ST3GAL3: variants seen among roughly 807,000 people sequenced by gnomAD.
ST3GAL3 encodes the protein CMP-N-acetylneuraminate-beta-1,4-galactoside alpha-2,3-sialyltransferase.
Under a neutral mutation model 50.1 loss-of-function variants are expected in ST3GAL3, and 21 were observed. The observed-to-expected ratio is 0.42, with a 90% CI of 0.30 to 0.60. The LOEUF (loss-of-function observed/expected upper bound fraction) is 0.60, where lower values mean the gene tolerates loss of function less well. Among genes scored for constraint, ST3GAL3 ranks in the 20% least tolerant of loss-of-function variants. ST3GAL3 has a pLI of 0.19. For synonymous variants in ST3GAL3, 183 were observed against 190.0 expected (o/e 0.96, Z 0.30); for missense variants, 353 against 489.4 (o/e 0.72, Z 2.63).
intron 2 of ST3GAL3, among the ~76,000 whole-genome samples, chr1:43,785,404 G>A (rs1257652880): frequency 6.6e-6 from 1 of 152,200 alleles, no homozygotes; most frequent in African/African-American, 2.4e-5. Flanking sequence ...GGATGGTGCT[G>A]GAAGGTGAGG....
intron 9 of ST3GAL3, among the ~76,000 whole-genome samples, chr1:43,902,403 G>T (rs1273058623): frequency 6.6e-6 from 1 of 152,210 alleles, no homozygotes; most frequent in African/African-American, 2.4e-5. Context: ...CATAGGATAT[G>T]GGAAGGGGCA....
chr1:43,810,392 G>A (rs60477816), intron 3 of ST3GAL3, among the ~76,000 whole-genome samples: 7,147 of 152,100 alleles, frequency 0.047, 554 homozygotes, highest in African/African-American at 0.16. Context: ...AGGTAGAGAC[G>A]GGTAGGCCGG....
rs368862265 is a variant in ST3GAL3 at position 43,754,087 on chromosome 1, A to G, written c.118+17707A>G. 2.0e-4 allele frequency among the ~76,000 whole-genome samples: 30 copies of G among 152,358 alleles called. No homozygotes were observed. In the South Asian group the frequency reaches 6.2e-3, roughly 32 times the overall value. On this transcript the variant is annotated intron_variant, in intron 2 of 11. Transcript: ENST00000347631. ...GTCTTGCTCTCTCAGGTATTAAGAT[A>G]TTCTTAGAGCCATACAATTAAAAAT...
chr1:43,842,512 TA>T (rs1320141467), intron 5 of ST3GAL3: 3 of 152,168 alleles, frequency 2.0e-5, no homozygotes, highest in African/African-American at 7.2e-5. Flanking sequence ...CAGTCTCAGA[TA>T]TTTTTTTTAG....
chr1:43,716,405 CAG>C (rs1667405190), intron 1 of ST3GAL3: 1 of 152,148 alleles, frequency 6.6e-6, no homozygotes, highest in African/African-American at 2.4e-5. Flanking sequence ...GTGCAGGTTT[CAG>C]AGTTTCTCGC....
intron 5 of ST3GAL3, among the ~76,000 whole-genome samples, chr1:43,860,596 A>G (rs925638803): frequency 6.6e-5 from 10 of 152,112 alleles, no homozygotes; most frequent in Admixed American, 5.9e-4. Context: ...CTCATCAGGT[A>G]CTCCACAGAG....
chr1:43,859,373 G>A (rs377071763), intron 5 of ST3GAL3, among the ~76,000 whole-genome samples: 16 of 152,018 alleles, frequency 1.1e-4, no homozygotes, highest in Middle Eastern at 3.4e-3. Context: ...CAGCCTGACC[G>A]ACATGGAGAA....
At chr1:43,784,028 A>G (rs910638605) in intron 2 of ST3GAL3, among the ~76,000 whole-genome samples, 17 of 152,216 alleles carry the variant, frequency 1.1e-4, no homozygotes, top group East Asian at 1.9e-4. Flanking sequence ...AAGAAACCCT[A>G]CTAAATTAGT....
chr1:43,766,737 G>T (rs1693180605), intron 2 of ST3GAL3, among the ~76,000 whole-genome samples: 1 of 152,116 alleles, frequency 6.6e-6, no homozygotes, highest in African/African-American at 2.4e-5. Context: ...AGACCTGGTG[G>T]AAAAGTAGTG....
intron 9 of ST3GAL3, among the ~76,000 whole-genome samples, chr1:43,905,347 C>G (rs1258844664): frequency 3.3e-5 from 4 of 123,058 alleles, no homozygotes; most frequent in East Asian, 2.7e-4. Flanking sequence ...TCCCACCACT[C>G]TTCCCCCTCC....
chr1:43,778,644 C>CTTTTTT (rs35726867), intron 2 of ST3GAL3, among the ~76,000 whole-genome samples: 5 of 118,698 alleles, frequency 4.2e-5, no homozygotes, highest in East Asian at 2.4e-4. Flanking sequence ...TTCTTTTTTT[C>CTTTTTT]TTTTTTTTTT....
intron 2 of ST3GAL3, 25 bp downstream of exon 2, chr1:43,736,405 C>A: frequency 3.1e-6 from 5 of 1,614,066 alleles, no homozygotes; most frequent in Non-Finnish European, 4.2e-6. Context: ...TCTAGCTCAC[C>A]CCAGGAGAAG....
rs1428421751 is a variant in ST3GAL3, at chr1:43,765,792, CGCGCGCGCGTCCGCGCGTCCGCGT to C, written c.119-26305_119-26282del. ...GTGTGTGTGTGTGTGTGTGCGCGCG[CGCGCGCGCGTCCGCGCGTCCGCGT>C]GCGCTTTTTTTTTAGTGGTATAGGA... On this transcript the variant is annotated intron_variant, in intron 2 of 11. Transcript: ENST00000347631. Among the ~76,000 whole-genome samples the C allele has an allele frequency of 4.5e-3, 658 of 146,744 alleles. 7 individuals carry two copies. The highest frequency in any genetic ancestry group is 0.017 in the African/African-American group (622 of 36,914).
rs188645322 is a variant in ST3GAL3 at position 43,892,005 on chromosome 1, G to A, written c.303-2378G>A. Among the ~76,000 whole-genome samples, 145 of 152,258 alleles carry A rather than the reference G, an allele frequency of 9.5e-4. 1 individual carries two copies. The highest frequency in any genetic ancestry group is 3.3e-3 in the African/African-American group (135 of 41,538). On this transcript the variant is annotated intron_variant, in intron 5 of 11. Transcript: ENST00000347631. ...GTCGCCCAGGCTGTAGTGCAGTGGC[G>A]TGATCTCAGCTCACTGCAACCTCTA...
chr1:43,782,712 T>C (rs1254103714), intron 2 of ST3GAL3, among the ~76,000 whole-genome samples: 4 of 151,922 alleles, frequency 2.6e-5, no homozygotes, highest in Non-Finnish European at 5.9e-5. Flanking sequence ...TTCAGTGCTT[T>C]ATGTTAATTT....
intron 3 of ST3GAL3, among the ~76,000 whole-genome samples, chr1:43,814,165 G>C (rs1194592060): frequency 6.6e-6 from 1 of 152,146 alleles, no homozygotes; most frequent in Non-Finnish European, 1.5e-5. Flanking sequence ...CCTCCAGCAA[G>C]CACACAGAGC....
intron 3 of ST3GAL3, among the ~76,000 whole-genome samples, chr1:43,798,086 T>A (rs910816167): frequency 6.6e-6 from 1 of 152,176 alleles, no homozygotes. Flanking sequence ...TTCTTCCCCA[T>A]CTACCCAACT....
Position 43,822,289 on chromosome 1 carries a change from C to T in ST3GAL3, c.209+7356C>T, listed in dbSNP as rs1036568111. ...GTGTCCAAGTGTGACTTTCCTGAGCCGACGTGGGCCTTCTGGGAGCAGATT... is the reference window on the plus strand; with the variant it reads ...GTGTCCAAGTGTGACTTTCCTGAGCTGACGTGGGCCTTCTGGGAGCAGATT... On this transcript the variant is annotated intron_variant, in intron 4 of 11. Coordinates refer to ENST00000347631, the MANE Select transcript of ST3GAL3 (RefSeq NM_006279.5). 3.9e-5 allele frequency among the ~76,000 whole-genome samples: 6 copies of T among 152,148 alleles called. No individual in the cohort carries two copies. In the East Asian group the frequency reaches 5.8e-4, roughly 15 times the overall value.
rs117797847 is a variant in ST3GAL3, at chr1:43,826,103, A to C, written c.209+11170A>C. ...CAACATAGGGAGACCTCGTCTCTTC[A>C]AAAAAAAAAACAAAATTAGCCGGTT... On this transcript the variant is annotated intron_variant, in intron 4 of 11. Transcript: ENST00000347631. Among the ~76,000 whole-genome samples the C allele has an allele frequency of 2.2e-3, 323 of 143,812 alleles. 1 individual carries two copies. In the East Asian group the frequency reaches 0.059, roughly 26 times the overall value. The allele number at this position is 143,812 out of a possible 152,430, so 94.3% of individuals were successfully genotyped here. A position where few individuals can be genotyped will look rare whatever the true frequency, so the allele number is the denominator to read the frequency against.
Sources: gnomAD v4.1 joint callset for allele counts (sites outside exome capture counted in the v4.1 genomes callset) on GRCh38, gnomAD v4.1.1 for gene constraint, MANE v1.5 for transcripts, NCBI Gene and HGNC (gene_info 2026-07-23, HGNC 2026-07-21) for gene names.